The following SPTBN1 variants were observed in gnomAD, a reference collection of about 807,000 sequenced individuals.
SPTBN1 encodes spectrin beta chain, non-erythrocytic 1.
SPTBN1 carries 32 observed loss-of-function variants against 266.4 expected under a neutral mutation model. The observed-to-expected ratio is 0.12, with a 90% CI of 0.09 to 0.16. SPTBN1 has a LOEUF of 0.16. Ranked by LOEUF, SPTBN1 falls within the 10% of genes least tolerant of loss-of-function variation. The pLI, the probability that SPTBN1 is intolerant of heterozygous loss-of-function variation, is 1.00. For synonymous variants in SPTBN1, 1,336 were observed against 1,162.2 expected (o/e 1.15, Z -3.04); for missense variants, 2,296 against 3,067.1 (o/e 0.75, Z 5.94).
At chr2:54,503,358 T>C (rs936711565) in intron 1 of SPTBN1, among the ~76,000 whole-genome samples, 12 of 152,172 alleles carry the variant, frequency 7.9e-5, no homozygotes, top group Non-Finnish European at 1.8e-4. Flanking sequence ...CTCATCTGGT[T>C]AGTGGCTTTG....
Position 54,668,651 on chromosome 2 carries a change from T to C in SPTBN1, c.*82T>C. The C allele has an allele frequency of 8.6e-7, 1 of 1,163,532 alleles. No homozygotes were observed. The highest frequency in any genetic ancestry group is 1.2e-6 in the Non-Finnish European group (1 of 848,396). 72.1% of individuals were successfully genotyped at this position (1,163,532 alleles called of 1,614,324 possible). A position where few individuals can be genotyped will look rare whatever the true frequency, so the allele number is the denominator to read the frequency against. The stretch of plus-strand genomic sequence containing the variant: ...CAAGCTCAGAACCAACACATTACTC[T>C]CTGTGCCTAATGTTCCTCAATGTGG... On this transcript the variant is annotated 3_prime_UTR_variant, in exon 36 of 36. Coordinates refer to ENST00000356805, the MANE Select transcript of SPTBN1 (RefSeq NM_003128.3).
chr2:54,631,692 G>T, intron 16 of SPTBN1, 81 bp downstream of exon 16: 1 of 1,512,428 alleles, frequency 6.6e-7, no homozygotes. Flanking sequence ...TGGGGCAGCT[G>T]GTTTAAACCA....
intron 2 of SPTBN1, among the ~76,000 whole-genome samples, chr2:54,595,653 C>G (rs1676028072): frequency 6.6e-6 from 1 of 152,226 alleles, no homozygotes; most frequent in Admixed American, 6.5e-5. Context: ...CTGCTGCCTT[C>G]GAGCTGACCT....
chr2:54,623,676 G>C (rs1340255330), intron 10 of SPTBN1, 80 bp downstream of exon 10: 22 of 1,159,284 alleles, frequency 1.9e-5, no homozygotes, highest in Non-Finnish European at 2.6e-5. Flanking sequence ...ACTGCTAAGA[G>C]GACAAGAGAC....
intron 11 of SPTBN1, among the ~76,000 whole-genome samples, chr2:54,625,569 G>A (rs966394091): frequency 1.1e-4 from 16 of 151,848 alleles, no homozygotes; most frequent in South Asian, 6.2e-4. Context: ...GGGGTGGCGC[G>A]GGAAATAGGT....
At chr2:54,593,374 C>T (rs960133027) in intron 2 of SPTBN1, among the ~76,000 whole-genome samples, 1 of 152,112 alleles carries the variant, frequency 6.6e-6, no homozygotes, top group Non-Finnish European at 1.5e-5. Context: ...ACAGCCTCAC[C>T]ACGTTCCTCC....
At chr2:54,465,321 A>G (rs917430775) in intron 1 of SPTBN1, among the ~76,000 whole-genome samples, 2 of 152,202 alleles carry the variant, frequency 1.3e-5, no homozygotes, top group African/African-American at 4.8e-5. Context: ...GAGCAGTGGA[A>G]TTCCATGACG....
intron 2 of SPTBN1, among the ~76,000 whole-genome samples, chr2:54,561,015 T>C (rs1411412732): frequency 6.6e-6 from 1 of 152,268 alleles, no homozygotes; most frequent in Admixed American, 6.5e-5. Context: ...TGATAACATA[T>C]AATTTCTATC....
At chr2:54,657,418 A>G (rs1680748836) in intron 29 of SPTBN1, among the ~76,000 whole-genome samples, 1 of 152,232 alleles carries the variant, frequency 6.6e-6, no homozygotes, top group South Asian at 2.1e-4. Flanking sequence ...ACCTGCGCTG[A>G]GCAGTATGAT....
intron 17 of SPTBN1, among the ~76,000 whole-genome samples, chr2:54,634,378 A>G (rs1193718798): frequency 6.6e-6 from 1 of 152,222 alleles, no homozygotes; most frequent in Non-Finnish European, 1.5e-5. Flanking sequence ...AGCCTGGGCT[A>G]CTGGTGTTCC....
intron 2 of SPTBN1, among the ~76,000 whole-genome samples, chr2:54,543,115 T>C (rs1672030461): frequency 6.6e-6 from 1 of 152,122 alleles, no homozygotes; most frequent in Non-Finnish European, 1.5e-5. Flanking sequence ...ATCTCGGGGC[T>C]GATGCTGAGG....
At chr2:54,600,177 C>CT (rs1676398232) in intron 3 of SPTBN1, among the ~76,000 whole-genome samples, 1 of 152,196 alleles carries the variant, frequency 6.6e-6, no homozygotes, top group South Asian at 2.1e-4. Context: ...CCCCACACCT[C>CT]TGACCGCAGG....
rs762355293 is a variant in SPTBN1 at position 54,629,150 on chromosome 2, C to A, written c.2016C>A (p.Ser672Arg). 2.5e-6 allele frequency: 4 copies of A among 1,613,446 alleles called. No homozygotes were observed. Among genetic ancestry groups the A allele is most frequent in the African/African-American group, 2.7e-5 (2 of 74,952 alleles). ...SSDDYGKDLTSVMRLLSKHRA... is the reference protein window; with the variant it reads ...SSDDYGKDLTRVMRLLSKHRA... The stretch of plus-strand genomic sequence containing the variant: ...ACGATTACGGGAAAGACCTGACCAG[C>A]GTCATGCGCCTGCTCAGCAAGCACC... Residue 672 changes from serine (S) to arginine (R), a missense_variant, in exon 14 of 36, where the codon AGC (serine) becomes AGA (arginine). By Grantham distance (110) the Ser-to-Arg change is moderately radical. Around this residue, in one of 12 missense-constraint regions of SPTBN1, gnomAD observed 434 missense variants for 573.9 expected, o/e 0.76. Transcript: ENST00000356805.
At chr2:54,519,012 A>G (rs776447735) in intron 1 of SPTBN1, among the ~76,000 whole-genome samples, 6 of 149,470 alleles carry the variant, frequency 4.0e-5, no homozygotes, top group South Asian at 2.1e-4. Flanking sequence ...TTAGCAGCCT[A>G]TTTTAAAAAA....
At chr2:54,497,013 G>A (rs189361653) in intron 1 of SPTBN1, among the ~76,000 whole-genome samples, 24 of 152,296 alleles carry the variant, frequency 1.6e-4, no homozygotes, top group Admixed American at 7.8e-4. Context: ...GATGATATGC[G>A]CATATGTTTA....
At chr2:54,661,551 A>G (rs772304880) in intron 32 of SPTBN1, 35 of 985,704 alleles carry the variant, frequency 3.6e-5, no homozygotes, top group Non-Finnish European at 4.2e-5. Flanking sequence ...ATAGATGCCA[A>G]GCTTCTTATG....
chr2:54,625,832 C>T lies in SPTBN1; in HGVS notation c.1342-100C>T. ...TCTCGAACTCCTGACCTCAAGTGAT[C>T]TGCCCGCCTCGGCCTCCCAAAGTGC... On this transcript the variant is annotated intron_variant, in intron 11 of 35. Transcript: ENST00000356805. 3.8e-6 allele frequency: 5 copies of T among 1,319,730 alleles called. 1 individual carries two copies. In the South Asian group the frequency reaches 7.3e-5, roughly 19 times the overall value. 81.8% of individuals were successfully genotyped at this position (1,319,730 alleles called of 1,614,324 possible).
At chr2:54,538,075 A>G (rs1206078767) in intron 2 of SPTBN1, among the ~76,000 whole-genome samples, 1 of 152,256 alleles carries the variant, frequency 6.6e-6, no homozygotes, top group East Asian at 1.9e-4. Context: ...TGATTCAGAG[A>G]TAAAGACATT....
chr2:54,660,652 A>G (rs1312761484), intron 32 of SPTBN1: 1 of 985,382 alleles, frequency 1.0e-6, no homozygotes, highest in Non-Finnish European at 1.2e-6. Context: ...AATTTTAGGC[A>G]CACAATCTCA....
Sources: allele counts gnomAD v4.1 joint callset (sites outside exome capture counted in the v4.1 genomes callset), GRCh38; gene constraint gnomAD v4.1.1; regional missense constraint gnomAD v4.1.1; transcripts MANE v1.5; gene names NCBI Gene and HGNC (gene_info 2026-07-23, HGNC 2026-07-21).